PXDC1: variants seen among roughly 807,000 people sequenced by gnomAD.
PXDC1 encodes PX domain containing 1.
Under a neutral mutation model 24.4 loss-of-function variants are expected in PXDC1, and 13 were observed. That is an observed-to-expected ratio of 0.53 (90% CI 0.35 to 0.85). PXDC1 has a LOEUF of 0.85. PXDC1 is among the 40% of genes least tolerant of loss of function. The probability of loss-of-function intolerance (pLI) is 0.01; values close to 1 mark genes in which losing one functional copy is unlikely to be tolerated. For synonymous variants in PXDC1, 162 were observed against 124.9 expected (o/e 1.30, Z -1.98); for missense variants, 344 against 309.3 (o/e 1.11, Z -0.84).
Position 3,724,399 on chromosome 6 carries a change from G to A in PXDC1, c.579-663C>T, listed in dbSNP as rs774128446. On this transcript the variant is annotated intron_variant, in intron 4 of 4. Transcript: ENST00000380283. This position sits in a 1 kb window ranked among gnomAD's most constrained non-coding sequence, Gnocchi z 4.5. Reference sequence around the variant, plus strand: ...AGGGGACGTAAAAGCCCGCGATACTGACTCCCCACACACTGGAACTGTTTC... The same window carrying A: ...AGGGGACGTAAAAGCCCGCGATACTAACTCCCCACACACTGGAACTGTTTC... Among the ~76,000 whole-genome samples, 1 of 152,142 alleles carries A rather than the reference G, an allele frequency of 6.6e-6. No individual in the cohort carries two copies. Among genetic ancestry groups the A allele is most frequent in the Non-Finnish European group, 1.5e-5 (1 of 68,018 alleles).
rs149913975 is a variant in PXDC1, at chr6:3,726,679, G to A, written c.578+872C>T. ...GATGTGGGCCTCGGCACATGTGGCC[G>A]GCTCTAGTTTCAATCTGCTGCTATG... On this transcript the variant is annotated intron_variant, in intron 4 of 4. Coordinates refer to ENST00000380283, the MANE Select transcript of PXDC1 (RefSeq NM_183373.4). Among the ~76,000 whole-genome samples, 407 of 152,338 alleles carry A rather than the reference G, an allele frequency of 2.7e-3. 3 individuals carry two copies. The highest frequency in any genetic ancestry group is 9.4e-3 in the African/African-American group (392 of 41,584).
Position 3,737,989 on chromosome 6 carries a change from C to T in PXDC1, c.348+68G>A, listed in dbSNP as rs1760361173. 6 of 1,283,874 alleles carry T rather than the reference C, an allele frequency of 4.7e-6. No individual in the cohort carries two copies. Among genetic ancestry groups the T allele is most frequent in the African/African-American group, 1.5e-5 (1 of 67,748 alleles). 79.5% of individuals were successfully genotyped at this position (1,283,874 alleles called of 1,614,324 possible). ...AGTCAACCCTCCGGGGGGATGGACG[C>T]CTTTCGCATTTGGGAGGTGCCAGCA... On this transcript the variant is annotated intron_variant, in intron 2 of 4. Coordinates refer to ENST00000380283, the MANE Select transcript of PXDC1 (RefSeq NM_183373.4). This position sits in a 1 kb window ranked among gnomAD's most constrained non-coding sequence, Gnocchi z 5.5.
chr6:3,729,425 GC>G (rs1760148432), intron 3 of PXDC1, among the ~76,000 whole-genome samples: 1 of 152,104 alleles, frequency 6.6e-6, no homozygotes, highest in South Asian at 2.1e-4. Flanking sequence ...CTGGAGAAGG[GC>G]CACTGGTGTT....
chr6:3,724,373 A>C lies in PXDC1; in HGVS notation c.579-637T>G, dbSNP rs1049464447. Among the ~76,000 whole-genome samples, 9 of 152,082 alleles carry C rather than the reference A, an allele frequency of 5.9e-5. No homozygotes were observed. Among genetic ancestry groups the C allele is most frequent in the Non-Finnish European group, 1.3e-4 (9 of 68,002 alleles). On this transcript the variant is annotated intron_variant, in intron 4 of 4. Transcript: ENST00000380283. This position sits in a 1 kb window ranked among gnomAD's most constrained non-coding sequence, Gnocchi z 4.5. ...AGGGAAGAATACAAACCCCAAACATAAGGGGACGTAAAAGCCCGCGATACT... is the reference window on the plus strand; with the variant it reads ...AGGGAAGAATACAAACCCCAAACATCAGGGGACGTAAAAGCCCGCGATACT...
rs538836588 is a variant in PXDC1 at position 3,746,826 on chromosome 6, C to T, written c.256+4450G>A. ...CCCCTCACTGTCCACCCGAGAACAG[C>T]ATGAGCAGGTTCAGGCCCTGGGATC... On this transcript the variant is annotated intron_variant, in intron 1 of 4. Coordinates refer to ENST00000380283, the MANE Select transcript of PXDC1 (RefSeq NM_183373.4). 3.3e-4 allele frequency among the ~76,000 whole-genome samples: 51 copies of T among 152,280 alleles called. 1 individual carries two copies. In the South Asian group the frequency reaches 0.01, roughly 31 times the overall value.
intron 3 of PXDC1, among the ~76,000 whole-genome samples, chr6:3,735,423 TC>T (rs1487995113): frequency 1.3e-5 from 2 of 152,248 alleles, no homozygotes; most frequent in African/African-American, 4.8e-5. Context: ...GGAATACTAT[TC>T]AGCCATTAAA....
At chr6:3,727,910 C>G (rs1319457310) in intron 3 of PXDC1, among the ~76,000 whole-genome samples, 2 of 152,162 alleles carry the variant, frequency 1.3e-5, no homozygotes, top group East Asian at 1.9e-4. Flanking sequence ...TGCTCTGCTG[C>G]CTGAGTACGC....
chr6:3,748,184 TG>T (rs1383188245), intron 1 of PXDC1, among the ~76,000 whole-genome samples: 1 of 152,154 alleles, frequency 6.6e-6, no homozygotes, highest in Admixed American at 6.5e-5. Context: ...GGGACTGAAA[TG>T]AAAGACTTGG....
intron 3 of PXDC1, among the ~76,000 whole-genome samples, chr6:3,731,946 C>T (rs773390690): frequency 3.3e-5 from 5 of 152,224 alleles, no homozygotes; most frequent in Admixed American, 2.0e-4. Flanking sequence ...TGTGGAGTGC[C>T]TGGTGAGGAG....
chr6:3,751,473 C>T lies in PXDC1; in HGVS notation c.59G>A (p.Trp20Ter), dbSNP rs1193563543. The part of the protein sequence containing the change: ...SLVNMFVRGC[W>*]VNGIRRLIVS... ...GATGAGCCTGCGGATGCCGTTCACC[C>T]AGCAGCCGCGCACGAACATGTTCAC... Residue 20 changes from tryptophan (W) to a stop codon, truncating the protein, a stop_gained, in exon 1 of 5, where the codon TGG becomes TAG. Coordinates refer to ENST00000380283, the MANE Select transcript of PXDC1 (RefSeq NM_183373.4). LOFTEE classifies it high-confidence loss of function. 4 of 1,604,236 alleles carry T rather than the reference C, an allele frequency of 2.5e-6. No homozygotes were observed. The highest frequency in any genetic ancestry group is 2.2e-5 in the East Asian group (1 of 44,454).
chr6:3,750,397 C>T (rs754296761), intron 1 of PXDC1, among the ~76,000 whole-genome samples: 13 of 152,282 alleles, frequency 8.5e-5, no homozygotes, highest in Admixed American at 3.3e-4. Context: ...CGGAAGTCCT[C>T]CAGTCTTCCC....
intron 3 of PXDC1, among the ~76,000 whole-genome samples, chr6:3,731,952 A>G (rs1436665517): frequency 6.6e-6 from 1 of 152,214 alleles, no homozygotes. Context: ...GTGCCTGGTG[A>G]GGAGGCTTCT....
chr6:3,747,319 C>T (rs1479385723), intron 1 of PXDC1, among the ~76,000 whole-genome samples: 2 of 152,172 alleles, frequency 1.3e-5, no homozygotes, highest in Admixed American at 6.5e-5. Flanking sequence ...CTCCCACCTG[C>T]TCTGCTGCAC....
rs912052832 is a variant in PXDC1 at position 3,728,184 on chromosome 6, T to C, written c.467-522A>G. ...TTTTGGGGTTACAGGTGGGTCTTGG[T>C]TACACGGATAAGTTCTTTAGCGGTG... On this transcript the variant is annotated intron_variant, in intron 3 of 4. Coordinates refer to ENST00000380283, the MANE Select transcript of PXDC1 (RefSeq NM_183373.4). This position sits in a 1 kb window ranked among gnomAD's most constrained non-coding sequence, Gnocchi z 4.0. Among the ~76,000 whole-genome samples, 1 of 152,204 alleles carries C rather than the reference T, an allele frequency of 6.6e-6. No homozygotes were observed. The highest frequency in any genetic ancestry group is 2.4e-5 in the African/African-American group (1 of 41,448).
In PXDC1 at chr6:3,737,186, G is replaced by A. The variant is rs748329139; in HGVS notation, c.359C>T (p.Ser120Leu). Residue 120 changes from serine to leucine, a missense_variant, in exon 3 of 5, where the codon TCG becomes TTG. Transcript: ENST00000380283. This position sits in a 1 kb window ranked among gnomAD's most constrained non-coding sequence, Gnocchi z 5.5. ...TTCGAAGAAGGTGAGCACAACTTCC[G>A]ATCTAGAATACTGGGGAGAAATGCA... ...IISMPCKYSR[S>L]EVVLTFFERS... 2.7e-5 allele frequency: 43 copies of A among 1,604,206 alleles called. No individual in the cohort carries two copies. Among genetic ancestry groups the A allele is most frequent in the African/African-American group, 4.0e-5 (3 of 74,712 alleles).
chr6:3,723,705 G>A lies in PXDC1; in HGVS notation c.610C>T (p.Leu204=), dbSNP rs760245275. The A allele has an allele frequency of 2.5e-6, 4 of 1,614,172 alleles. No homozygotes were observed. Among genetic ancestry groups the A allele is most frequent in the Admixed American group, 1.7e-5 (1 of 60,032 alleles). ...FENGSEFPSE[L]EDGDDPAAYV... ...GCTGCTGGGTCGTCCCCGTCCTCCAGCTCTGAGGGAAACTCACTGCCATTC... is the reference window on the plus strand; with the variant it reads ...GCTGCTGGGTCGTCCCCGTCCTCCAACTCTGAGGGAAACTCACTGCCATTC... The change falls in exon 5 of 5, where the codon CTG becomes TTG. Residue 204 remains leucine (L), a synonymous_variant. Transcript: ENST00000380283.
At chr6:3,739,631 G>C (rs889259727) in intron 1 of PXDC1, among the ~76,000 whole-genome samples, 3 of 152,194 alleles carry the variant, frequency 2.0e-5, no homozygotes, top group African/African-American at 7.2e-5. Context: ...GAAGGGGCTG[G>C]ACGACCCTCT....
At chr6:3,750,345 C>G (rs1279113227) in intron 1 of PXDC1, among the ~76,000 whole-genome samples, 4 of 152,196 alleles carry the variant, frequency 2.6e-5, no homozygotes, top group African/African-American at 9.6e-5. Flanking sequence ...CCCAATGTTC[C>G]GAGCTACAGG....
chr6:3,742,545 G>A (rs1390878393), intron 1 of PXDC1, among the ~76,000 whole-genome samples: 1 of 152,164 alleles, frequency 6.6e-6, no homozygotes, highest in Non-Finnish European at 1.5e-5. Flanking sequence ...CTTCGCTCGG[G>A]TCTTTCAGGA....
Sources: allele counts gnomAD v4.1 joint callset (sites outside exome capture counted in the v4.1 genomes callset), GRCh38; gene constraint gnomAD v4.1.1; non-coding constraint Gnocchi (gnomAD v3.1); transcripts MANE v1.5; gene names NCBI Gene and HGNC (gene_info 2026-07-23, HGNC 2026-07-21).